The following ROBO2 variants were observed in gnomAD, a reference collection of about 807,000 sequenced individuals.
ROBO2 encodes roundabout homolog 2.
Under a neutral mutation model 160.8 loss-of-function variants are expected in ROBO2, and 53 were observed. The observed-to-expected ratio is 0.33, with a 90% CI of 0.26 to 0.41. The LOEUF (loss-of-function observed/expected upper bound fraction) is 0.41, where lower values mean the gene tolerates loss of function less well. Ranked by LOEUF, ROBO2 falls within the 10% of genes least tolerant of loss-of-function variation. The pLI, the probability that ROBO2 is intolerant of heterozygous loss-of-function variation, is 1.00. For missense variants in ROBO2, 1,577 were observed against 1,722.4 expected, an observed-to-expected ratio of 0.92 and a Z score of 1.49; for synonymous variants, 664 against 611.7, an observed-to-expected ratio of 1.09 and a Z score of -1.26.
intron 2 of ROBO2, among the ~76,000 whole-genome samples, chr3:77,005,374 T>G (rs1312336358): frequency 6.6e-6 from 1 of 152,218 alleles, no homozygotes; most frequent in African/African-American, 2.4e-5. Context: ...TTGCCAATAA[T>G]GGACCATTTG....
At chr3:76,476,959 T>C (rs1158559667) in intron 2 of ROBO2, among the ~76,000 whole-genome samples, 1 of 152,154 alleles carries the variant, frequency 6.6e-6, no homozygotes, top group Non-Finnish European at 1.5e-5. Flanking sequence ...GATGATACCA[T>C]CAAAAGAACG....
chr3:76,450,035 A>G (rs2077397027), intron 2 of ROBO2, among the ~76,000 whole-genome samples: 1 of 152,198 alleles, frequency 6.6e-6, no homozygotes, highest in Non-Finnish European at 1.5e-5. Context: ...AATCTTCATC[A>G]TCAAGAACAT....
intron 2 of ROBO2, among the ~76,000 whole-genome samples, chr3:76,258,855 T>C (rs895466292): frequency 6.6e-6 from 1 of 152,052 alleles, no homozygotes; most frequent in Non-Finnish European, 1.5e-5. Flanking sequence ...CTAATAGATG[T>C]TTGACTGTAA....
intron 20 of ROBO2, among the ~76,000 whole-genome samples, chr3:77,602,698 CCA>C (rs1166592941): frequency 6.7e-6 from 1 of 150,290 alleles, no homozygotes; most frequent in Admixed American, 6.6e-5. Flanking sequence ...ACCGCCGCCG[CCA>C]CCACCACCTC....
intron 2 of ROBO2, among the ~76,000 whole-genome samples, chr3:77,341,221 A>G (rs1301958278): frequency 6.6e-6 from 1 of 152,070 alleles, no homozygotes; most frequent in Non-Finnish European, 1.5e-5. Flanking sequence ...TTGTTTGAGT[A>G]CTAGCATATA....
intron 2 of ROBO2, among the ~76,000 whole-genome samples, chr3:77,284,091 C>A (rs1008413557): frequency 7.9e-5 from 12 of 152,086 alleles, no homozygotes; most frequent in Non-Finnish European, 1.5e-4. Flanking sequence ...CTGAATCTGA[C>A]CTTGTACCTG....
At chr3:76,873,003 A>G (rs1408446847) in intron 2 of ROBO2, among the ~76,000 whole-genome samples, 1 of 152,150 alleles carries the variant, frequency 6.6e-6, no homozygotes, top group Non-Finnish European at 1.5e-5. Context: ...AATTCAGATG[A>G]TATATTGGTA....
intron 2 of ROBO2, among the ~76,000 whole-genome samples, chr3:77,133,090 C>T (rs1455385417): frequency 6.6e-6 from 1 of 152,032 alleles, no homozygotes; most frequent in East Asian, 1.9e-4. Flanking sequence ...CGTCTCTGTG[C>T]TTATTTATTT....
At chr3:77,127,409 G>A (rs189381237) in intron 2 of ROBO2, among the ~76,000 whole-genome samples, 98 of 152,072 alleles carry the variant, frequency 6.4e-4, no homozygotes, top group African/African-American at 2.2e-3. Context: ...TCACCACCAT[G>A]TCTTTTATTA....
intron 2 of ROBO2, among the ~76,000 whole-genome samples, chr3:76,318,405 G>A (rs1235782552): frequency 6.6e-6 from 1 of 152,026 alleles, no homozygotes; most frequent in Non-Finnish European, 1.5e-5. Flanking sequence ...CAAATTGTGT[G>A]TATATATCTA....
intron 2 of ROBO2, among the ~76,000 whole-genome samples, chr3:76,088,466 A>G (rs1258234956): frequency 6.6e-6 from 1 of 152,050 alleles, no homozygotes; most frequent in Non-Finnish European, 1.5e-5. Flanking sequence ...TTACATCTGA[A>G]CAATAAAACA....
intron 5 of ROBO2, among the ~76,000 whole-genome samples, chr3:77,508,263 C>A (rs1041886243): frequency 6.7e-6 from 1 of 149,230 alleles, no homozygotes; most frequent in Non-Finnish European, 1.5e-5. Flanking sequence ...AATCTCTAAT[C>A]TTTAAATATG....
intron 2 of ROBO2, among the ~76,000 whole-genome samples, chr3:76,654,805 A>G (rs1203638666): frequency 6.6e-6 from 1 of 151,538 alleles, no homozygotes; most frequent in Non-Finnish European, 1.5e-5. Context: ...GAAAATAAAG[A>G]CACAAATTCA....
At chr3:76,658,135 A>G (rs1318768431) in intron 2 of ROBO2, among the ~76,000 whole-genome samples, 2 of 150,262 alleles carry the variant, frequency 1.3e-5, no homozygotes, top group Non-Finnish European at 3.0e-5. Context: ...AAATAATAAA[A>G]CTATATTTAA....
At chr3:77,069,827 T>C (rs1035676693) in intron 1 of ROBO2, among the ~76,000 whole-genome samples, 1 of 152,112 alleles carries the variant, frequency 6.6e-6, no homozygotes, top group Non-Finnish European at 1.5e-5. Context: ...AGGGCCACAC[T>C]TTCTCTGAAG....
rs530587307 is a variant in ROBO2, at chr3:77,483,633, T to G, written c.667+2414T>G. 4.0e-3 allele frequency among the ~76,000 whole-genome samples: 607 copies of G among 151,172 alleles called. 4 individuals carry two copies. Among genetic ancestry groups the G allele is most frequent in the Non-Finnish European group, 3.3e-3 (226 of 67,710 alleles). On this transcript the variant is annotated intron_variant, in intron 4 of 25. Coordinates refer to ENST00000461745, the Ensembl canonical transcript of ROBO2. ...CTACAGAAGGTTTTTAAAGGTCCTT[T>G]GCAGTTCAATCTTTATCTTAAGATA...
chr3:77,640,097 A>ATTTTTTTTTTTTTTTTTTTTTTTTT lies in ROBO2; in HGVS notation c.3935-4599_3935-4575dup, dbSNP rs71104695. 7.6e-5 allele frequency among the ~76,000 whole-genome samples: 5 copies of ATTTTTTTTTTTTTTTTTTTTTTTTT among 65,486 alleles called. 1 individual carries two copies. The highest frequency in any genetic ancestry group is 0.013 in the Middle Eastern group (1 of 78). 43.0% of individuals were successfully genotyped at this position (65,486 alleles called of 152,430 possible). A position where few individuals can be genotyped will look rare whatever the true frequency, so the allele number is the denominator to read the frequency against. On this transcript the variant is annotated intron_variant, in intron 24 of 25. Coordinates refer to ENST00000461745, the Ensembl canonical transcript of ROBO2. ...AGAGAAGAAACACTGCAGAGGAAGC[A>ATTTTTTTTTTTTTTTTTTTTTTTTT]TTTTTTTTTTTTTTTTTTTTTTTTT... is the stretch of plus-strand genomic sequence containing the variant.
chr3:76,603,310 T>TGACAGAGC, intron 2 of ROBO2, among the ~76,000 whole-genome samples: 1 of 118,660 alleles, frequency 8.4e-6, no homozygotes, highest in Non-Finnish European at 1.6e-5. Context: ...CCAGCCTGGG[T>TGACAGAGC]GACAGAGCGA....
rs532957275 is a variant in ROBO2 at position 75,995,467 on chromosome 3, C to T, written c.109+57865C>T. On this transcript the variant is annotated intron_variant, in intron 2 of 26. Transcript: ENST00000487694. ...AAAAACTGAGGTTTGGGAACCTCAG[C>T]CTAGATTTCAGAAAATGTATGGGAA... Among the ~76,000 whole-genome samples the T allele has an allele frequency of 1.6e-4, 25 of 152,254 alleles. No individual in the cohort carries two copies. In the South Asian group the frequency reaches 5.2e-3, roughly 32 times the overall value.
Sources: allele counts gnomAD v4.1 joint callset (sites outside exome capture counted in the v4.1 genomes callset), GRCh38; gene constraint gnomAD v4.1.1; transcripts MANE v1.5; gene names NCBI Gene and HGNC (gene_info 2026-07-23, HGNC 2026-07-21).